The following HK2 variants were observed in gnomAD, a reference collection of about 807,000 sequenced individuals.
HK2 encodes the protein hexokinase 2.
Under a neutral mutation model 92.9 loss-of-function variants are expected in HK2, and 42 were observed. The ratio of observed to expected loss-of-function variants is 0.45; its 90% CI spans 0.35 to 0.58. HK2 has a LOEUF of 0.58. HK2 is among the 20% of genes least tolerant of loss of function. The pLI, the probability that HK2 is intolerant of heterozygous loss-of-function variation, is 0.00. For missense variants in HK2, 978 were observed against 1,245.1 expected (o/e 0.79, Z 3.23); for synonymous variants, 422 against 468.0 (o/e 0.90, Z 1.27).
Position 74,848,465 on chromosome 2 carries a change from C to A in HK2, c.64-5828C>A, listed in dbSNP as rs376059994. ...TGCAACTACCACCACTATTCATTTC[C>A]AGAATTAATTTCTTGTAAAATTATG... On this transcript the variant is annotated intron_variant, in intron 1 of 17. Transcript: ENST00000290573. 1.1e-3 allele frequency among the ~76,000 whole-genome samples: 157 copies of A among 142,942 alleles called. 1 individual carries two copies. Among genetic ancestry groups the A allele is most frequent in the African/African-American group, 4.2e-3 (151 of 35,960 alleles). The allele number at this position is 142,942 out of a possible 152,430, so 93.8% of individuals were successfully genotyped here. A position where few individuals can be genotyped will look rare whatever the true frequency, so the allele number is the denominator to read the frequency against.
intron 2 of HK2, among the ~76,000 whole-genome samples, chr2:74,856,012 A>G (rs1250738211): frequency 6.6e-6 from 1 of 152,132 alleles, no homozygotes; most frequent in Non-Finnish European, 1.5e-5. Flanking sequence ...ACTCACATCT[A>G]GAGGACAGGA....
intron 1 of HK2, among the ~76,000 whole-genome samples, chr2:74,851,387 CTA>C (rs1688563640): frequency 2.0e-5 from 3 of 152,204 alleles, no homozygotes; most frequent in African/African-American, 7.2e-5. Flanking sequence ...AGATGGTTAT[CTA>C]TGGGGCAAAA....
At chr2:74,884,782 C>G (rs989323699) in intron 12 of HK2, among the ~76,000 whole-genome samples, 15 of 152,142 alleles carry the variant, frequency 9.9e-5, no homozygotes, top group African/African-American at 3.6e-4. Context: ...GAGAGGGCAT[C>G]AGGGAATAAA....
intron 10 of HK2, 110 bp from the exon 11 acceptor site, chr2:74,881,601 A>G (rs2103992037): frequency 9.5e-7 from 1 of 1,055,104 alleles, no homozygotes; most frequent in East Asian, 2.4e-5. Flanking sequence ...TGTAATATAA[A>G]GTGGCATTTG....
chr2:74,841,360 A>AAT (rs1688311664), intron 1 of HK2, among the ~76,000 whole-genome samples: 1 of 151,834 alleles, frequency 6.6e-6, no homozygotes, highest in African/African-American at 2.4e-5. Context: ...AATGTTGCTG[A>AAT]ATATTCCACC....
chr2:74,842,026 C>T (rs1382407553), intron 1 of HK2, among the ~76,000 whole-genome samples: 3 of 152,258 alleles, frequency 2.0e-5, no homozygotes, highest in Non-Finnish European at 4.4e-5. Flanking sequence ...GCATAACACG[C>T]AGTGTGAGCT....
chr2:74,848,821 C>G (rs1157938587), intron 1 of HK2, among the ~76,000 whole-genome samples: 1 of 152,230 alleles, frequency 6.6e-6, no homozygotes, highest in Non-Finnish European at 1.5e-5. Flanking sequence ...ACCAGTCTTT[C>G]AGTTGCATTG....
At chr2:74,879,952 G>A (rs1689340567) in intron 9 of HK2, among the ~76,000 whole-genome samples, 1 of 152,246 alleles carries the variant, frequency 6.6e-6, no homozygotes, top group African/African-American at 2.4e-5. Context: ...TGTTGGGCAA[G>A]GGAGCAGTGG....
In HK2 at chr2:74,882,605, T is replaced by TTATATATA. The variant is rs141761906; in HGVS notation, c.1839+375_1839+382dup. On this transcript the variant is annotated intron_variant, in intron 12 of 17. Coordinates refer to ENST00000290573, the MANE Select transcript of HK2 (RefSeq NM_000189.5). The stretch of plus-strand genomic sequence containing the variant: ...TAGGAAGACCCCATCTCTATTGAAC[T>TTATATATA]TATATATATATATATAGCATTTTTA... 1.7e-3 allele frequency among the ~76,000 whole-genome samples: 131 copies of TTATATATA among 75,716 alleles called. 27 individuals carry two copies. In the South Asian group the frequency reaches 0.022, roughly 13 times the overall value. 49.7% of individuals were successfully genotyped at this position (75,716 alleles called of 152,430 possible). A position where few individuals can be genotyped will look rare whatever the true frequency, so the allele number is the denominator to read the frequency against.
chr2:74,848,119 T>C (rs945101811), intron 1 of HK2, among the ~76,000 whole-genome samples: 2 of 152,172 alleles, frequency 1.3e-5, no homozygotes, highest in African/African-American at 4.8e-5. Context: ...TAAGCATTTA[T>C]CTGCTAAGGT....
rs1460308297 is a variant in HK2, at chr2:74,880,451, G to A, written c.1452G>A (p.Leu484=). 1 of 1,614,126 alleles carries A rather than the reference G, an allele frequency of 6.2e-7. No individual in the cohort carries two copies. Among genetic ancestry groups the A allele is most frequent in the African/African-American group, 1.3e-5 (1 of 74,942 alleles). ...ATCTGCAGCTGAGCCATGACCAGCTGCTGGAGGTCAAGAGGAGGATGAAGG... is the reference window on the plus strand; with the variant it reads ...ATCTGCAGCTGAGCCATGACCAGCTACTGGAGGTCAAGAGGAGGATGAAGG... The part of the protein sequence containing the change: ...LEHLQLSHDQ[L]LEVKRRMKVE... The change falls in exon 10 of 18, where the codon CTG becomes CTA. Residue 484 remains leucine, a synonymous_variant. Transcript: ENST00000290573.
chr2:74,867,557 G>A (rs1688983622), intron 2 of HK2, 79 bp from the exon 3 acceptor site: 4 of 1,526,114 alleles, frequency 2.6e-6, no homozygotes, highest in East Asian at 2.3e-5. Flanking sequence ...ATTCCTGGAG[G>A]GACTTGGAGT....
chr2:74,837,953 C>T (rs1036287246), intron 1 of HK2, among the ~76,000 whole-genome samples: 12 of 152,280 alleles, frequency 7.9e-5, no homozygotes, highest in East Asian at 1.9e-4. Context: ...GGATTACAGG[C>T]GTGAGCCACC....
rs1300506217 is a variant in HK2 at position 74,867,621 on chromosome 2, T to C, written c.227-15T>C. On this transcript the variant is annotated splice_polypyrimidine_tract_variant and intron_variant, in intron 2 of 17. Transcript: ENST00000290573. ...TTTTGCCCAAAATTAATAGTGGCCC[T>C]TCCTTTCTCTGCAGAACACGGAGAG... 6.2e-7 allele frequency: 1 copy of C among 1,612,484 alleles called. No individual in the cohort carries two copies.
At chr2:74,858,589 A>G (rs543874104) in intron 2 of HK2, among the ~76,000 whole-genome samples, 1 of 152,328 alleles carries the variant, frequency 6.6e-6, no homozygotes, top group African/African-American at 2.4e-5. Flanking sequence ...AGGCACTCTC[A>G]TTGCCAAATT....
At chr2:74,885,896 T>C (rs1455904604) in intron 13 of HK2, among the ~76,000 whole-genome samples, 1 of 126,900 alleles carries the variant, frequency 7.9e-6, no homozygotes, top group Non-Finnish European at 1.6e-5. Flanking sequence ...AGTAAAGGAA[T>C]AAAAGAATGG....
rs1418278072 is a variant in HK2, at chr2:74,892,734, T to A, written c.*1793T>A. The A allele has an allele frequency of 6.6e-6, 1 of 152,218 alleles. No individual in the cohort carries two copies. The highest frequency in any genetic ancestry group is 2.4e-5 in the African/African-American group (1 of 41,456). The allele number at this position is 152,218 out of a possible 1,614,324, so 9.4% of individuals were successfully genotyped here. A position where few individuals can be genotyped will look rare whatever the true frequency, so the allele number is the denominator to read the frequency against. The stretch of plus-strand genomic sequence containing the variant: ...ACTTGTGCTGAGAATAGTGTCTGAT[T>A]ATACGACTTTTAAGCAAAGTTGGGT... On this transcript the variant is annotated 3_prime_UTR_variant, in exon 18 of 18. Coordinates refer to ENST00000290573, the MANE Select transcript of HK2 (RefSeq NM_000189.5).
intron 10 of HK2, 41 bp from the exon 11 acceptor site, chr2:74,881,670 G>A: frequency 6.2e-7 from 1 of 1,611,030 alleles, no homozygotes; most frequent in South Asian, 1.1e-5. Context: ...CATTCCCCAT[G>A]TTCTGCCCCA....
intron 1 of HK2, among the ~76,000 whole-genome samples, chr2:74,840,892 A>G (rs1355105039): frequency 7.2e-6 from 1 of 139,670 alleles, no homozygotes; most frequent in Non-Finnish European, 1.6e-5. Context: ...AAAAAAAAAA[A>G]AAAAAAAAAA....
Sources: gnomAD v4.1 joint callset for allele counts (sites outside exome capture counted in the v4.1 genomes callset) on GRCh38, gnomAD v4.1.1 for gene constraint, MANE v1.5 for transcripts, NCBI Gene and HGNC (gene_info 2026-07-23, HGNC 2026-07-21) for gene names.